The following C11orf65 variants were observed in gnomAD, a reference collection of about 807,000 sequenced individuals.
C11orf65 encodes chromosome 11 open reading frame 65, also known as protein MFI.
C11orf65 carries 38 observed loss-of-function variants against 35.3 expected under a neutral mutation model. The ratio of observed to expected loss-of-function variants is 1.08; its 90% confidence interval spans 0.83 to 1.41. The LOEUF (loss-of-function observed/expected upper bound fraction) is 1.41. C11orf65 is among the 40% of genes most tolerant of loss of function. The pLI, the probability that C11orf65 is intolerant of heterozygous loss-of-function variation, is 0.00. For missense variants in C11orf65, 370 were observed against 367.1 expected (o/e 1.01, Z -0.06); for synonymous variants, 105 against 114.4 (o/e 0.92, Z 0.53).
At chr11:108,395,766 G>A (rs1350249596) in intron 6 of C11orf65, among the ~76,000 whole-genome samples, 3 of 150,752 alleles carry the variant, frequency 2.0e-5, no homozygotes, top group African/African-American at 2.4e-5. Flanking sequence ...GACTACAGGC[G>A]CCTGCCACCA....
intron 6 of C11orf65, among the ~76,000 whole-genome samples, chr11:108,405,188 G>A (rs776906798): frequency 1.3e-5 from 2 of 152,156 alleles, no homozygotes; most frequent in Non-Finnish European, 2.9e-5. Flanking sequence ...CTCCCTAGCT[G>A]ATTGGGGCCA....
intron 3 of C11orf65, among the ~76,000 whole-genome samples, chr11:108,407,379 T>C (rs2092561178): frequency 6.6e-6 from 1 of 151,982 alleles, no homozygotes. Context: ...TGGCATGATC[T>C]CAGCTCACTG....
At chr11:108,408,355 G>A (rs1202853972) in intron 3 of C11orf65, among the ~76,000 whole-genome samples, 1 of 151,962 alleles carries the variant, frequency 6.6e-6, no homozygotes, top group Non-Finnish European at 1.5e-5. Flanking sequence ...TTCCTAATTA[G>A]CTATTGTTAA....
chr11:108,403,437 A>G (rs987437618), intron 6 of C11orf65, among the ~76,000 whole-genome samples: 12 of 62,238 alleles, frequency 1.9e-4, no homozygotes, highest in African/African-American at 7.2e-4. Flanking sequence ...TTTTTTTTAC[A>G]TATTCTTGAT....
chr11:108,468,277 C>A (rs964951090), upstream of C11orf65, among the ~76,000 whole-genome samples: 6 of 152,330 alleles, frequency 3.9e-5, no homozygotes, highest in African/African-American at 1.4e-4. Context: ...AGCTCTTCAG[C>A]TGGTTAAGCT....
At chr11:108,314,043 C>T (rs1489070720) in intron 6 of C11orf65, among the ~76,000 whole-genome samples, 1 of 152,130 alleles carries the variant, frequency 6.6e-6, no homozygotes, top group African/African-American at 2.4e-5. Context: ...AAAGAAAAAT[C>T]CACGACCTTT....
chr11:108,323,642 T>C (rs2085391650), intron 6 of C11orf65, among the ~76,000 whole-genome samples: 2 of 152,172 alleles, frequency 1.3e-5, no homozygotes, highest in Non-Finnish European at 2.9e-5. Flanking sequence ...TATGCTTGTA[T>C]CAAAATATCA....
At chr11:108,328,441 T>C (rs2085911667), downstream of C11orf65, among the ~76,000 whole-genome samples, 1 of 152,152 alleles carries the variant, frequency 6.6e-6, no homozygotes, top group East Asian at 1.9e-4. Flanking sequence ...AGAGACGGTT[T>C]CGCCACATTG....
intron 2 of C11orf65, chr11:108,335,359 T>TTATGTTTTCTTATAAA: frequency 1.6e-6 from 2 of 1,217,062 alleles, no homozygotes; most frequent in East Asian, 6.1e-5. Context: ...TACAGACATG[T>TTATGTTTTCTTATAAA]ACAGTGAGGT....
chr11:108,373,707 C>T (rs1011385908), intron 2 of C11orf65, among the ~76,000 whole-genome samples: 10 of 152,296 alleles, frequency 6.6e-5, no homozygotes, highest in East Asian at 3.9e-4. Context: ...GTGCGCCAGC[C>T]GAAGCAGGGC....
chr11:108,414,775 T>C (rs2092707351), intron 3 of C11orf65, among the ~76,000 whole-genome samples: 1 of 152,110 alleles, frequency 6.6e-6, no homozygotes, highest in Admixed American at 6.5e-5. Flanking sequence ...AGGAAAATTA[T>C]AGACCAATAT....
intron 7 of C11orf65, among the ~76,000 whole-genome samples, chr11:108,390,954 T>A (rs1326255737): frequency 6.6e-6 from 1 of 152,164 alleles, no homozygotes; most frequent in Non-Finnish European, 1.5e-5. Context: ...ATCCTTCTCA[T>A]CAGTATCTTC....
rs1374447710 is a variant in C11orf65, at chr11:108,317,646, TATATATAC to T, written c.641-8583_641-8576del. The T allele has an allele frequency of 3.6e-3, 504 of 141,798 alleles. 1 individual carries two copies. Among genetic ancestry groups the T allele is most frequent in the African/African-American group, 6.5e-3 (158 of 24,312 alleles). 8.8% of individuals were successfully genotyped at this position (141,798 alleles called of 1,614,324 possible). ...ATATATATATATATATATATATATA[TATATATAC>T]ACACACACACACACACACACTATAT... On this transcript the variant is annotated intron_variant, in intron 6 of 6. Coordinates refer to the C11orf65 transcript ENST00000525729.
chr11:108,383,028 C>A lies in C11orf65; in HGVS notation c.935G>T (p.Gly312Val). Reference sequence around the variant, plus strand: ...GAATAGAAATAAAGTACTTTATAGTCCATAAGTAGAATCAGGCGTTAATCT... The same window carrying A: ...GAATAGAAATAAAGTACTTTATAGTACATAAGTAGAATCAGGCGTTAATCT... ...VTRLTPDSTY[G>V]L Residue 312 changes from glycine to valine, a missense_variant, in exon 9 of 9, where the codon GGA becomes GTA. Gly to Val is a moderately radical substitution (Grantham distance 109). Coordinates refer to ENST00000393084, the MANE Select transcript of C11orf65 (RefSeq NM_152587.5). The A allele has an allele frequency of 6.2e-7, 1 of 1,610,774 alleles. No homozygotes were observed. Among genetic ancestry groups the A allele is most frequent in the Non-Finnish European group, 8.5e-7 (1 of 1,179,194 alleles).
At chr11:108,330,164 T>C (rs2086103329), downstream of C11orf65, 1 of 1,571,340 alleles carries the variant, frequency 6.4e-7, no homozygotes, top group African/African-American at 1.4e-5. Context: ...ATTTTGTAGT[T>C]CTGTTAAAGT....
downstream of C11orf65, chr11:108,327,271 G>A: frequency 3.6e-6 from 1 of 276,106 alleles, no homozygotes. Context: ...GCTGTCTGGA[G>A]TTACCCAACT....
rs1591133559 is a variant in C11orf65 at position 108,326,113 on chromosome 11, T to A, written c.641-17042A>T. Reference sequence around the variant, plus strand: ...CAGTACAATTCAGTTAGCTGTGGAGTCTCTGAGTGGCAGCTGGAAGAAGCA... The same window carrying A: ...CAGTACAATTCAGTTAGCTGTGGAGACTCTGAGTGGCAGCTGGAAGAAGCA... On this transcript the variant is annotated intron_variant, in intron 6 of 6. Coordinates refer to the C11orf65 transcript ENST00000525729. The A allele has an allele frequency of 6.2e-7, 1 of 1,614,018 alleles. No individual in the cohort carries two copies. The highest frequency in any genetic ancestry group is 8.5e-7 in the Non-Finnish European group (1 of 1,179,988).
intron 2 of C11orf65, among the ~76,000 whole-genome samples, chr11:108,447,331 T>A (rs2093278010): frequency 6.6e-6 from 1 of 151,084 alleles, no homozygotes; most frequent in African/African-American, 2.4e-5. Context: ...AGAATATACA[T>A]TTTTTTTTAG....
At chr11:108,379,510 A>C (rs182694601), downstream of C11orf65, among the ~76,000 whole-genome samples, 375 of 151,896 alleles carry the variant, frequency 2.5e-3, 3 homozygotes, top group African/African-American at 8.7e-3. Context: ...TAGCATTAGG[A>C]GATATACCTA....
Sources: allele counts gnomAD v4.1 joint callset (sites outside exome capture counted in the v4.1 genomes callset), GRCh38; gene constraint gnomAD v4.1.1; transcripts MANE v1.5; gene names NCBI Gene and HGNC (gene_info 2026-07-23, HGNC 2026-07-21).